Variants in ARHGEF28 observed in about 807,000 individuals in gnomAD.
ARHGEF28 encodes 190 kDa guanine nucleotide exchange factor.
In ARHGEF28, 152 loss-of-function variants were observed where a neutral mutation model predicts 206.6. The ratio of observed to expected loss-of-function variants is 0.74; its 90% CI spans 0.64 to 0.84. ARHGEF28 has a LOEUF of 0.84. Among genes scored for constraint, ARHGEF28 ranks in the 40% least tolerant of loss-of-function variants. ARHGEF28 has a pLI of 0.00. For missense variants in ARHGEF28, 2,028 were observed against 2,073.2 expected (o/e 0.98, Z 0.42); for synonymous variants, 763 against 776.4 (o/e 0.98, Z 0.29).
intron 2 of ARHGEF28, among the ~76,000 whole-genome samples, chr5:73,733,760 G>A (rs978117265): frequency 1.3e-5 from 2 of 152,052 alleles, no homozygotes; most frequent in Non-Finnish European, 2.9e-5. Flanking sequence ...ATGAGATGAG[G>A]CGTGAAAAAG....
intron 1 of ARHGEF28, among the ~76,000 whole-genome samples, chr5:73,667,351 C>G (rs369793239): frequency 2.0e-5 from 3 of 149,914 alleles, no homozygotes; most frequent in African/African-American, 7.4e-5. Flanking sequence ...TGAGCCATAC[C>G]TGGTATAACT....
At chr5:73,743,861 T>C (rs1167974150) in intron 2 of ARHGEF28, among the ~76,000 whole-genome samples, 1 of 152,144 alleles carries the variant, frequency 6.6e-6, no homozygotes, top group African/African-American at 2.4e-5. Flanking sequence ...AAAGGAAAGA[T>C]TGAGTTAAAT....
chr5:73,867,999 T>A lies in ARHGEF28; in HGVS notation c.2276T>A (p.Val759Asp). 1 of 1,613,970 alleles carries A rather than the reference T, an allele frequency of 6.2e-7. No individual in the cohort carries two copies. Among genetic ancestry groups the A allele is most frequent in the Middle Eastern group, 1.6e-4 (1 of 6,062 alleles). ...VGQVHPLSRS[V>D]PGTTLESFRR... ...CAGGTCCATCCATTGTCCAGAAGTG[T>A]TCCAGGCACCACCTTGGAAAGGTAA... is the stretch of plus-strand genomic sequence containing the variant. Residue 759 changes from valine to aspartate, a missense_variant, in exon 19 of 36, where the codon GTT becomes GAT. Val to Asp is a radical substitution (Grantham distance 152). This residue lies in a region of ARHGEF28 where 1,002 missense variants were observed against 1,015.3 expected (regional missense o/e 0.99). Coordinates refer to ENST00000513042, the MANE Select transcript of ARHGEF28 (RefSeq NM_001177693.2).
intron 2 of ARHGEF28, among the ~76,000 whole-genome samples, chr5:73,693,810 C>T (rs1328352986): frequency 6.6e-6 from 1 of 152,228 alleles, no homozygotes; most frequent in Non-Finnish European, 1.5e-5. Flanking sequence ...TTTCTACTAA[C>T]TTAACTTGAC....
intron 14 of ARHGEF28, among the ~76,000 whole-genome samples, chr5:73,857,159 C>T (rs957786419): frequency 4.6e-5 from 7 of 151,980 alleles, no homozygotes; most frequent in Admixed American, 1.3e-4. Flanking sequence ...TTTCTCAGGC[C>T]GTATCAACAG....
At chr5:73,626,453 G>C (rs564039443) in intron 1 of ARHGEF28, 131 bp downstream of exon 1, 2 of 152,344 alleles carry the variant, frequency 1.3e-5, no homozygotes, top group Admixed American at 6.5e-5. Context: ...CAGCAGAGGT[G>C]ACCGGGGAAC....
At chr5:73,757,581 G>C (rs1307226182) in intron 4 of ARHGEF28, among the ~76,000 whole-genome samples, 8 of 152,186 alleles carry the variant, frequency 5.3e-5, no homozygotes, top group Non-Finnish European at 1.2e-4. Flanking sequence ...GCCAGAGTCT[G>C]AGTAGAGCAT....
chr5:73,645,949 G>A (rs953437264), intron 1 of ARHGEF28, among the ~76,000 whole-genome samples: 2 of 151,868 alleles, frequency 1.3e-5, no homozygotes, highest in Non-Finnish European at 2.9e-5. Context: ...CTACATCTTT[G>A]ATATGATTCT....
chr5:73,722,534 C>T (rs909743008), intron 2 of ARHGEF28, among the ~76,000 whole-genome samples: 3 of 152,196 alleles, frequency 2.0e-5, no homozygotes, highest in Non-Finnish European at 4.4e-5. Context: ...AAACATAAAA[C>T]GCTTTGTTTA....
chr5:73,736,844 G>GGGGA (rs771407287), intron 2 of ARHGEF28, among the ~76,000 whole-genome samples: 4 of 152,176 alleles, frequency 2.6e-5, no homozygotes, highest in Non-Finnish European at 4.4e-5. Flanking sequence ...AAGTTGGTGA[G>GGGGA]GGGAGGGAGG....
At chr5:73,804,125 GGTGTCCAGAGCTTGA>G (rs1755300064) in intron 9 of ARHGEF28, among the ~76,000 whole-genome samples, 1 of 150,420 alleles carries the variant, frequency 6.6e-6, no homozygotes, top group Non-Finnish European at 1.5e-5. Context: ...TCAAGTTGAT[GGTGTCCAGAGCTTGA>G]GGAAACTTGG....
At chr5:73,631,105 G>T (rs1432261591) in intron 1 of ARHGEF28, among the ~76,000 whole-genome samples, 1 of 152,188 alleles carries the variant, frequency 6.6e-6, no homozygotes, top group East Asian at 1.9e-4. Context: ...ATGTAGAAGA[G>T]GGGTGGTATA....
At chr5:73,670,411 A>G (rs1746233447) in intron 1 of ARHGEF28, among the ~76,000 whole-genome samples, 1 of 152,196 alleles carries the variant, frequency 6.6e-6, no homozygotes, top group Admixed American at 6.5e-5. Flanking sequence ...TAACCTGTTG[A>G]AAGACATTTG....
intron 16 of ARHGEF28, 45 bp downstream of exon 16, chr5:73,858,264 G>T (rs755074986): frequency 1.3e-6 from 2 of 1,525,866 alleles, no homozygotes; most frequent in Non-Finnish European, 1.8e-6. Context: ...TTCATCTCCT[G>T]ACAGTAACCT....
At chr5:73,938,544 T>G (rs1467484763) in intron 35 of ARHGEF28, among the ~76,000 whole-genome samples, 1 of 152,194 alleles carries the variant, frequency 6.6e-6, no homozygotes, top group African/African-American at 2.4e-5. Flanking sequence ...GGCTGGCCCT[T>G]CTGTTGGTAA....
At chr5:73,635,177 C>A (rs898278470) in intron 1 of ARHGEF28, among the ~76,000 whole-genome samples, 1 of 152,164 alleles carries the variant, frequency 6.6e-6, no homozygotes, top group Non-Finnish European at 1.5e-5. Flanking sequence ...AACCCCGTCT[C>A]TACTAAAAAT....
intron 9 of ARHGEF28, among the ~76,000 whole-genome samples, chr5:73,807,941 CATATCAT>C (rs1262883651): frequency 6.6e-6 from 1 of 151,988 alleles, no homozygotes; most frequent in Non-Finnish European, 1.5e-5. Context: ...TATGTAGACA[CATATCAT>C]ATATCAGTAA....
At chr5:73,696,874 A>G (rs1052689722) in intron 2 of ARHGEF28, among the ~76,000 whole-genome samples, 5 of 152,228 alleles carry the variant, frequency 3.3e-5, no homozygotes, top group African/African-American at 1.2e-4. Flanking sequence ...TTATTTCTGT[A>G]CTGTGAGTTT....
chr5:73,658,621 G>A (rs1043891746), intron 1 of ARHGEF28, among the ~76,000 whole-genome samples: 3 of 152,122 alleles, frequency 2.0e-5, no homozygotes, highest in Non-Finnish European at 4.4e-5. Flanking sequence ...AGTGAGGTGG[G>A]ATCTTAAGGA....
Sources: allele counts gnomAD v4.1 joint callset (sites outside exome capture counted in the v4.1 genomes callset), GRCh38; gene constraint gnomAD v4.1.1; regional missense constraint gnomAD v4.1.1; transcripts MANE v1.5; gene names NCBI Gene and HGNC (gene_info 2026-07-23, HGNC 2026-07-21).